PRKCB: variants seen among roughly 807,000 people sequenced by gnomAD.
The protein encoded by PRKCB is protein kinase C beta.
In PRKCB, 13 loss-of-function variants were observed where a neutral mutation model predicts 81.5. The observed-to-expected ratio is 0.16, with a 90% CI of 0.10 to 0.25. The LOEUF (loss-of-function observed/expected upper bound fraction) is 0.25. PRKCB is among the 10% of genes least tolerant of loss of function. The probability of loss-of-function intolerance (pLI) is 1.00; values close to 1 mark genes in which losing one functional copy is unlikely to be tolerated. For synonymous variants in PRKCB, 335 were observed against 321.4 expected, an observed-to-expected ratio of 1.04 and a Z score of -0.45; for missense variants, 509 against 875.7, an observed-to-expected ratio of 0.58 and a Z score of 5.29.
chr16:23,983,340 G>A (rs577350501), intron 2 of PRKCB, among the ~76,000 whole-genome samples: 1 of 152,284 alleles, frequency 6.6e-6, no homozygotes, highest in East Asian at 1.9e-4. Context: ...GTTTTTCAAA[G>A]TCTGTTCTCA....
intron 2 of PRKCB, among the ~76,000 whole-genome samples, chr16:23,895,210 G>C (rs1420180154): frequency 2.0e-5 from 3 of 152,000 alleles, no homozygotes. Context: ...GTCCTGTAAT[G>C]ATGTGAAAAA....
chr16:23,869,082 C>T (rs1597218005), intron 2 of PRKCB: 1 of 453,686 alleles, frequency 2.2e-6, no homozygotes, highest in South Asian at 1.6e-5. Flanking sequence ...ACATTTCACA[C>T]ATGGCTATGT....
chr16:24,008,705 C>T (rs966951593), intron 3 of PRKCB, among the ~76,000 whole-genome samples: 13 of 152,048 alleles, frequency 8.5e-5, no homozygotes, highest in African/African-American at 2.9e-4. Context: ...TTGGAAAGAA[C>T]ACGTAACATG....
intron 15 of PRKCB, among the ~76,000 whole-genome samples, chr16:24,189,100 G>T (rs1347832831): frequency 6.6e-6 from 1 of 152,016 alleles, no homozygotes; most frequent in African/African-American, 2.4e-5. Context: ...ACAAAGCCAG[G>T]CCACAAAAAT....
intron 3 of PRKCB, among the ~76,000 whole-genome samples, chr16:23,988,960 T>C (rs1399586192): frequency 6.6e-6 from 1 of 151,270 alleles, no homozygotes; most frequent in Non-Finnish European, 1.5e-5. Context: ...TTATTGTTAT[T>C]ATTATTTTTA....
chr16:23,902,302 T>G (rs1308995974), intron 2 of PRKCB, among the ~76,000 whole-genome samples: 1 of 152,332 alleles, frequency 6.6e-6, no homozygotes, highest in East Asian at 1.9e-4. Flanking sequence ...TGGAATAATT[T>G]CAGATTTTTA....
chr16:23,989,446 C>T (rs1246687528), intron 3 of PRKCB, among the ~76,000 whole-genome samples: 2 of 152,114 alleles, frequency 1.3e-5, no homozygotes, highest in Non-Finnish European at 2.9e-5. Flanking sequence ...ATCCTGCTAC[C>T]ATGAATCTCA....
At position 24,108,297 on chromosome 16, in the gene PRKCB, T is replaced by A. The variant is rs1966604779; in HGVS notation, c.822-4676T>A. On this transcript the variant is annotated intron_variant, in intron 7 of 16. Transcript: ENST00000643927. ...TTTATTTATTTATTTTTTTTATTAT[T>A]TTTTTTTAATTGATTGACTTTTTAT... Among the ~76,000 whole-genome samples the A allele has an allele frequency of 2.3e-5, 3 of 128,376 alleles. No individual in the cohort carries two copies. In the South Asian group the frequency reaches 7.3e-4, roughly 31 times the overall value. The allele number at this position is 128,376 out of a possible 152,430, so 84.2% of individuals were successfully genotyped here.
At chr16:24,118,736 G>A (rs922037768) in intron 8 of PRKCB, among the ~76,000 whole-genome samples, 1 of 152,234 alleles carries the variant, frequency 6.6e-6, no homozygotes, top group African/African-American at 2.4e-5. Context: ...GCAACCATTA[G>A]TGTATTCCTG....
chr16:23,884,611 T>G (rs1963170534), intron 2 of PRKCB, among the ~76,000 whole-genome samples: 1 of 152,238 alleles, frequency 6.6e-6, no homozygotes, highest in Non-Finnish European at 1.5e-5. Flanking sequence ...CGTAGCTCAC[T>G]GCAGCTTCAA....
intron 2 of PRKCB, among the ~76,000 whole-genome samples, chr16:23,959,493 G>A (rs147397284): frequency 6.6e-6 from 1 of 152,372 alleles, no homozygotes; most frequent in African/African-American, 2.4e-5. Flanking sequence ...CATAGTGGGA[G>A]TGACTCTGAT....
rs1247866707 is a variant in PRKCB at position 24,159,399 on chromosome 16, T to C, written c.1239+4542T>C. 2.0e-5 allele frequency among the ~76,000 whole-genome samples: 3 copies of C among 152,182 alleles called. No individual in the cohort carries two copies. The East Asian group carries it at 5.8e-4, about 29-fold the overall frequency. On this transcript the variant is annotated intron_variant, in intron 10 of 16. Transcript: ENST00000643927. ...ACCAAAATGGCCTTGACAATGATGATACAAACAAGAACAAAAAGCAGCAGC... is the reference window on the plus strand; with the variant it reads ...ACCAAAATGGCCTTGACAATGATGACACAAACAAGAACAAAAAGCAGCAGC...
At chr16:24,021,462 T>G (rs1965402609) in intron 3 of PRKCB, among the ~76,000 whole-genome samples, 1 of 150,246 alleles carries the variant, frequency 6.7e-6, no homozygotes, top group Admixed American at 6.7e-5. Context: ...CTGCCTGTCT[T>G]TGATGCTGGG....
At chr16:24,051,526 G>A (rs1965841823) in intron 5 of PRKCB, among the ~76,000 whole-genome samples, 1 of 152,062 alleles carries the variant, frequency 6.6e-6, no homozygotes, top group African/African-American at 2.4e-5. Context: ...GCTAGCCCTG[G>A]GACAGACAGT....
intron 2 of PRKCB, among the ~76,000 whole-genome samples, chr16:23,947,661 G>C (rs1964221076): frequency 6.6e-6 from 1 of 152,122 alleles, no homozygotes; most frequent in African/African-American, 2.4e-5. Flanking sequence ...GTCAGGACAA[G>C]AGTTAGGAGG....
intron 5 of PRKCB, among the ~76,000 whole-genome samples, chr16:24,070,240 C>T (rs1028613898): frequency 2.6e-5 from 4 of 151,796 alleles, no homozygotes; most frequent in African/African-American, 9.7e-5. Flanking sequence ...CCTCTGCCTC[C>T]TGGGTTCAAG....
At chr16:24,210,468 A>G (rs1419301404) in intron 16 of PRKCB, among the ~76,000 whole-genome samples, 3 of 149,886 alleles carry the variant, frequency 2.0e-5, no homozygotes, top group Admixed American at 6.7e-5. Flanking sequence ...TGAAAATGGC[A>G]TCACTCTCAC....
rs1567311221 is a variant in PRKCB, at chr16:23,911,825, C to CTTTTTTTT, written c.205+74419_205+74420insTTTTTTTT. The stretch of plus-strand genomic sequence containing the variant: ...CTTGTCCTGGGATATGCGCGACCCA[C>CTTTTTTTT]ATTTTTTTTTTTTTTTTTTTTTTTT... On this transcript the variant is annotated intron_variant, in intron 2 of 16. Coordinates refer to ENST00000643927, the MANE Select transcript of PRKCB (RefSeq NM_002738.7). 7.1e-5 allele frequency among the ~76,000 whole-genome samples: 9 copies of CTTTTTTTT among 126,372 alleles called. 4 individuals are homozygous for CTTTTTTTT. Among genetic ancestry groups the CTTTTTTTT allele is most frequent in the Non-Finnish European group, 9.7e-5 (6 of 61,704 alleles). The allele number at this position is 126,372 out of a possible 152,430, so 82.9% of individuals were successfully genotyped here. A position where few individuals can be genotyped will look rare whatever the true frequency, so the allele number is the denominator to read the frequency against.
chr16:24,112,743 T>C lies in PRKCB; in HGVS notation c.822-230T>C, dbSNP rs985697312. Among the ~76,000 whole-genome samples the C allele has an allele frequency of 2.0e-5, 3 of 152,300 alleles. No homozygotes were observed. The East Asian group carries it at 5.8e-4, about 29-fold the overall frequency. On this transcript the variant is annotated intron_variant, in intron 7 of 16. Transcript: ENST00000643927. The stretch of plus-strand genomic sequence containing the variant: ...TCCTATGTACATGTGATATACATTT[T>C]TTTTCTGCTGTCCATGGAAGAGTTA...
Sources: gnomAD v4.1 joint callset for allele counts (sites outside exome capture counted in the v4.1 genomes callset) on GRCh38, gnomAD v4.1.1 for gene constraint, MANE v1.5 for transcripts, NCBI Gene and HGNC (gene_info 2026-07-23, HGNC 2026-07-21) for gene names.